Variants in DISC1 observed in about 807,000 individuals in gnomAD.
DISC1 encodes disrupted in schizophrenia 1 protein.
A neutral mutation model predicts 84.5 loss-of-function variants in DISC1; 57 were observed. The ratio of observed to expected loss-of-function variants is 0.67; its 90% CI spans 0.55 to 0.84. The LOEUF is 0.84. Among genes scored for constraint, DISC1 ranks in the 40% least tolerant of loss-of-function variants. The pLI, the probability that DISC1 is intolerant of heterozygous loss-of-function variation, is 0.00. For missense variants in DISC1, 1,000 were observed against 1,057.8 expected, an observed-to-expected ratio of 0.95 and a Z score of 0.76; for synonymous variants, 411 against 415.2, an observed-to-expected ratio of 0.99 and a Z score of 0.12.
chr1:231,904,485 A>T (rs933036603), intron 9 of DISC1, among the ~76,000 whole-genome samples: 3 of 152,188 alleles, frequency 2.0e-5, no homozygotes, highest in Admixed American at 6.5e-5. Flanking sequence ...GGTACAAATA[A>T]GGAAAGGGAC....
At position 231,698,147 on chromosome 1, in the gene DISC1, G is replaced by A. The variant is rs1363165344; in HGVS notation, c.1047+3342G>A. On this transcript the variant is annotated intron_variant, in intron 2 of 12. Coordinates refer to ENST00000439617, the MANE Select transcript of DISC1 (RefSeq NM_018662.3). This position sits in a 1 kb window ranked among gnomAD's most constrained non-coding sequence, Gnocchi z 4.9. ...TTAAACAGAAACACACATAGAACAA[G>A]GTCATGTGTTGACCGATGGAGGAAG... Among the ~76,000 whole-genome samples the A allele has an allele frequency of 1.3e-5, 2 of 152,124 alleles. No homozygotes were observed. Among genetic ancestry groups the A allele is most frequent in the African/African-American group, 2.4e-5 (1 of 41,418 alleles).
At chr1:231,693,746 AGGGATGTTC>A (rs1037896987) in intron 1 of DISC1, 71 bp from the exon 2 acceptor site, 4 of 1,603,856 alleles carry the variant, frequency 2.5e-6, no homozygotes, top group Non-Finnish European at 3.4e-6. Context: ...CTTTAAACCT[AGGGATGTTC>A]TCCAGATGCA....
At chr1:231,970,046 G>A (rs1365828024) in intron 10 of DISC1, among the ~76,000 whole-genome samples, 2 of 152,148 alleles carry the variant, frequency 1.3e-5, no homozygotes, top group African/African-American at 4.8e-5. Context: ...TGTGAATAGT[G>A]CTGCAATAAA....
chr1:231,707,627 A>G (rs1182024256), intron 3 of DISC1, among the ~76,000 whole-genome samples: 1 of 152,206 alleles, frequency 6.6e-6, no homozygotes, highest in Non-Finnish European at 1.5e-5. Context: ...CCCTTAATTT[A>G]CAGAATTGTA....
At chr1:231,960,798 A>T (rs1422312454) in intron 10 of DISC1, among the ~76,000 whole-genome samples, 3 of 152,252 alleles carry the variant, frequency 2.0e-5, no homozygotes, top group African/African-American at 7.2e-5. Context: ...TTGAGGGCTC[A>T]GTCCCACAAG....
intron 9 of DISC1, among the ~76,000 whole-genome samples, chr1:231,938,239 C>A (rs968487571): frequency 3.3e-5 from 5 of 152,164 alleles, no homozygotes; most frequent in Non-Finnish European, 7.3e-5. Context: ...GTGGGGAGAG[C>A]ATCCTGGTTT....
intron 9 of DISC1, among the ~76,000 whole-genome samples, chr1:231,949,626 C>T (rs180812139): frequency 1.6e-4 from 25 of 152,212 alleles, no homozygotes; most frequent in African/African-American, 5.8e-4. Flanking sequence ...CTGCGTAGTC[C>T]GGATCTGGCT....
intron 6 of DISC1, among the ~76,000 whole-genome samples, chr1:231,772,354 G>T (rs991859663): frequency 6.6e-6 from 1 of 152,210 alleles, no homozygotes; most frequent in African/African-American, 2.4e-5. Flanking sequence ...CGAATGGGTA[G>T]ATGAGCAGTA....
chr1:231,682,771 A>G (rs1205317473), intron 1 of DISC1, among the ~76,000 whole-genome samples: 4 of 152,252 alleles, frequency 2.6e-5, no homozygotes, highest in Non-Finnish European at 5.9e-5. Flanking sequence ...ATCATGGTGC[A>G]TGTATTAAGA....
In DISC1 at chr1:231,993,496, G is replaced by T. The variant is rs142600749; in HGVS notation, c.2043-15289G>T. ...GTAGTACTGGAAATGGGGAAAAGCA[G>T]ACCTGAACAATATTCTCAGTTTATA... is the stretch of plus-strand genomic sequence containing the variant. On this transcript the variant is annotated intron_variant, in intron 10 of 12. Transcript: ENST00000439617. Among the ~76,000 whole-genome samples the T allele has an allele frequency of 7.7e-3, 1,169 of 152,242 alleles. 8 individuals are homozygous for T. Among genetic ancestry groups the T allele is most frequent in the South Asian group, 0.014 (68 of 4,818 alleles).
chr1:231,797,959 A>C (rs1023690982), intron 7 of DISC1, among the ~76,000 whole-genome samples: 2 of 151,992 alleles, frequency 1.3e-5, no homozygotes, highest in African/African-American at 4.8e-5. Flanking sequence ...TGTTGTGGGC[A>C]GGGGCCTATA....
At chr1:231,911,606 A>G (rs1316785453) in intron 9 of DISC1, among the ~76,000 whole-genome samples, 2 of 152,148 alleles carry the variant, frequency 1.3e-5, no homozygotes, top group African/African-American at 4.8e-5. Flanking sequence ...TGCTCTTAAC[A>G]TATTTTCCTT....
intron 3 of DISC1, among the ~76,000 whole-genome samples, chr1:231,736,571 A>G (rs2072533192): frequency 6.6e-6 from 1 of 152,234 alleles, no homozygotes; most frequent in Non-Finnish European, 1.5e-5. Flanking sequence ...ATTTTCATGA[A>G]AATAAACTCA....
At chr1:231,762,511 TTTG>T (rs138183044) in intron 4 of DISC1, among the ~76,000 whole-genome samples, 69,910 of 121,454 alleles carry the variant, frequency 0.58, 19,198 homozygotes, top group Non-Finnish European at 0.66. Flanking sequence ...TTAGTTTTGT[TTTG>T]TTTTTTTTTT....
rs541953508 is a variant in DISC1 at position 231,711,421 on chromosome 1, G to A, written c.1117+9397G>A. On this transcript the variant is annotated intron_variant, in intron 3 of 12. Coordinates refer to ENST00000439617, the MANE Select transcript of DISC1 (RefSeq NM_018662.3). ...TGTTGCCCAGGTGGAGTGCGGTGGC[G>A]TGATCTTGGCTCACTGCAAGCTCCG... Among the ~76,000 whole-genome samples the A allele has an allele frequency of 6.8e-5, 10 of 146,924 alleles. No homozygotes were observed. In the East Asian group the frequency reaches 8.0e-4, roughly 12 times the overall value.
intron 3 of DISC1, chr1:231,722,809 C>G: frequency 6.9e-7 from 1 of 1,447,802 alleles, no homozygotes; most frequent in Non-Finnish European, 9.0e-7. Flanking sequence ...TGAAAAAAAC[C>G]AGGTGGGCAT....
chr1:231,654,886 G>T (rs2060930530), intron 1 of DISC1, among the ~76,000 whole-genome samples: 1 of 152,072 alleles, frequency 6.6e-6, no homozygotes, highest in Non-Finnish European at 1.5e-5. Context: ...CTTCCTTGAG[G>T]CCTTCAGGGT....
chr1:231,795,147 C>T, intron 6 of DISC1, 95 bp from the exon 7 acceptor site: 1 of 1,191,798 alleles, frequency 8.4e-7, no homozygotes, highest in South Asian at 1.2e-5. Context: ...GTCCATCAGA[C>T]CAGTGGAAGG....
chr1:231,996,223 T>C (rs1206682742), intron 10 of DISC1, among the ~76,000 whole-genome samples: 1 of 152,228 alleles, frequency 6.6e-6, no homozygotes, highest in Non-Finnish European at 1.5e-5. Flanking sequence ...TTGTGTTCAT[T>C]GTAGATTCTG....
Sources: allele counts gnomAD v4.1 joint callset (sites outside exome capture counted in the v4.1 genomes callset), GRCh38; gene constraint gnomAD v4.1.1; non-coding constraint Gnocchi (gnomAD v3.1); transcripts MANE v1.5; gene names NCBI Gene and HGNC (gene_info 2026-07-23, HGNC 2026-07-21).